The following CCDC150 variants were observed in gnomAD, a reference collection of about 807,000 sequenced individuals.
CCDC150 encodes coiled-coil domain-containing protein 150.
In CCDC150, 151 loss-of-function variants were observed where a neutral mutation model predicts 156.5. The observed-to-expected ratio is 0.97, with a 90% confidence interval of 0.85 to 1.10. The LOEUF (loss-of-function observed/expected upper bound fraction) is 1.10. CCDC150 is among the 50% of genes least tolerant of loss of function. The probability of loss-of-function intolerance (pLI) is 0.00; values close to 1 mark genes in which losing one functional copy is unlikely to be tolerated. For synonymous variants in CCDC150, 452 were observed against 429.4 expected (o/e 1.05, Z -0.65); for missense variants, 1,312 against 1,268.1 (o/e 1.03, Z -0.53).
intron 13 of CCDC150, among the ~76,000 whole-genome samples, chr2:196,683,247 A>G (rs1694945029): frequency 6.6e-6 from 1 of 151,980 alleles, no homozygotes. Context: ...ATTTTGTTAA[A>G]TGCTTTTGCT....
intron 13 of CCDC150, among the ~76,000 whole-genome samples, chr2:196,680,660 G>T (rs898783622): frequency 6.6e-6 from 1 of 151,978 alleles, no homozygotes; most frequent in Non-Finnish European, 1.5e-5. Flanking sequence ...CAACTTTTTG[G>T]GTATTAATGA....
intron 17 of CCDC150, among the ~76,000 whole-genome samples, chr2:196,715,177 G>A (rs994186336): frequency 3.3e-5 from 5 of 152,018 alleles, no homozygotes; most frequent in Admixed American, 1.3e-4. Context: ...ATACTGGCTT[G>A]TACACATGAC....
intron 17 of CCDC150, among the ~76,000 whole-genome samples, chr2:196,714,659 G>A: frequency 6.6e-6 from 1 of 152,084 alleles, no homozygotes; most frequent in East Asian, 1.9e-4. Context: ...CCAGACCTTG[G>A]TGTTTTTCCT....
intron 13 of CCDC150, among the ~76,000 whole-genome samples, chr2:196,680,777 A>G (rs1023461872): frequency 5.9e-5 from 9 of 152,184 alleles, no homozygotes; most frequent in Non-Finnish European, 1.0e-4. Flanking sequence ...CTCCATGTTT[A>G]TCATTTTGAG....
At chr2:196,715,536 T>C (rs1019814546) in intron 17 of CCDC150, among the ~76,000 whole-genome samples, 2 of 152,190 alleles carry the variant, frequency 1.3e-5, no homozygotes, top group Non-Finnish European at 2.9e-5. Flanking sequence ...TTTTGTACTT[T>C]AAAAATAATG....
At chr2:196,644,705 A>G (rs1326638774) in intron 1 of CCDC150, among the ~76,000 whole-genome samples, 1 of 152,206 alleles carries the variant, frequency 6.6e-6, no homozygotes, top group Non-Finnish European at 1.5e-5. Context: ...CTTTCACCCC[A>G]TGTCCTTAAG....
In CCDC150 at chr2:196,726,000, G is replaced by A; in HGVS notation, c.2457G>A (p.Val819=). The A allele has an allele frequency of 6.2e-7, 1 of 1,602,870 alleles. No homozygotes were observed. Among genetic ancestry groups the A allele is most frequent in the Non-Finnish European group, 8.5e-7 (1 of 1,174,360 alleles). ...ACCGGATGACTGAAGAGTCCAAAGT[G>A]GAAGCAGAATTGCATGCTGAACGCA... ...FKDRMTEESK[V]EAELHAERIE... The change falls in exon 22 of 28, where the codon GTG becomes GTA. Residue 819 remains valine (V), a synonymous_variant. Coordinates refer to ENST00000389175, the MANE Select transcript of CCDC150 (RefSeq NM_001080539.2).
rs571196652 is a variant in CCDC150, at chr2:196,677,181, T to C, written c.1441-112T>C. 1.6e-5 allele frequency: 12 copies of C among 755,924 alleles called. 1 individual carries two copies. The South Asian group carries it at 1.8e-4, about 11-fold the overall frequency. 46.8% of individuals were successfully genotyped at this position (755,924 alleles called of 1,614,324 possible). ...TGGCCCCTTTTCTGAGAGGATGTGC[T>C]ATCTCTGCAGTGTAGGTATTAATTG... On this transcript the variant is annotated intron_variant, in intron 12 of 27. Coordinates refer to ENST00000389175, the MANE Select transcript of CCDC150 (RefSeq NM_001080539.2).
At chr2:196,720,847 T>C (rs891327266) in intron 20 of CCDC150, among the ~76,000 whole-genome samples, 179 bp downstream of exon 20, 5 of 152,220 alleles carry the variant, frequency 3.3e-5, no homozygotes, top group African/African-American at 4.8e-5. Context: ...GAGTCACTTA[T>C]TGGCAAACCA....
chr2:196,720,581 C>G lies in CCDC150; in HGVS notation c.2172C>G (p.Leu724=), dbSNP rs752523007. ...EIAGLKKERD[L]NQQRVQKLEA... ...TTGTGCTTTTTATTTTTAGGGATCT[C>G]AATCAACAGAGGGTGCAGAAGCTGG... The change falls in exon 20 of 28, where the codon CTC becomes CTG. Residue 724 remains leucine, a synonymous_variant. Coordinates refer to ENST00000389175, the MANE Select transcript of CCDC150 (RefSeq NM_001080539.2). The G allele has an allele frequency of 1.2e-6, 2 of 1,613,334 alleles. No homozygotes were observed. The highest frequency in any genetic ancestry group is 2.7e-5 in the African/African-American group (2 of 74,904).
At chr2:196,680,980 G>A (rs1016538053) in intron 13 of CCDC150, among the ~76,000 whole-genome samples, 1 of 152,072 alleles carries the variant, frequency 6.6e-6, no homozygotes, top group Non-Finnish European at 1.5e-5. Context: ...TATAAAATTA[G>A]CCATTTTAAA....
At chr2:196,670,293 A>G (rs1434958003) in intron 8 of CCDC150, among the ~76,000 whole-genome samples, 2 of 152,208 alleles carry the variant, frequency 1.3e-5, no homozygotes, top group African/African-American at 4.8e-5. Context: ...AATTAAAAAC[A>G]TAATGATTTT....
At chr2:196,723,717 A>G (rs982547848) in intron 21 of CCDC150, among the ~76,000 whole-genome samples, 3 of 152,210 alleles carry the variant, frequency 2.0e-5, no homozygotes, top group African/African-American at 7.2e-5. Flanking sequence ...CAAGTGAGTC[A>G]GATGCTGCAG....
At chr2:196,708,412 G>T (rs1168790795) in intron 15 of CCDC150, among the ~76,000 whole-genome samples, 1 of 152,162 alleles carries the variant, frequency 6.6e-6, no homozygotes, top group East Asian at 1.9e-4. Flanking sequence ...CTAAACGTGA[G>T]ATGGGTCTCC....
intron 2 of CCDC150, among the ~76,000 whole-genome samples, chr2:196,649,130 G>A (rs936428640): frequency 3.9e-5 from 6 of 152,038 alleles, no homozygotes; most frequent in South Asian, 2.1e-4. Context: ...GGTCTTTTGT[G>A]GTTCCATATG....
intron 1 of CCDC150, among the ~76,000 whole-genome samples, chr2:196,645,779 A>G (rs942082959): frequency 8.5e-5 from 13 of 152,314 alleles, no homozygotes; most frequent in Admixed American, 4.6e-4. Flanking sequence ...TGCTGCTTCA[A>G]TGCAGGATAC....
chr2:196,664,452 C>A (rs954258322), intron 5 of CCDC150, among the ~76,000 whole-genome samples: 1 of 152,186 alleles, frequency 6.6e-6, no homozygotes, highest in Non-Finnish European at 1.5e-5. Flanking sequence ...ACAAAAGATA[C>A]AGTTGAGCAG....
chr2:196,651,532 G>A (rs1160116294), intron 2 of CCDC150, among the ~76,000 whole-genome samples: 1 of 152,126 alleles, frequency 6.6e-6, no homozygotes, highest in Non-Finnish European at 1.5e-5. Context: ...TTGAAAGATA[G>A]CATTGCTGAG....
chr2:196,664,495 T>A (rs1693729097), intron 5 of CCDC150, among the ~76,000 whole-genome samples: 1 of 152,240 alleles, frequency 6.6e-6, no homozygotes, highest in African/African-American at 2.4e-5. Flanking sequence ...GCAAGGCATG[T>A]GGGAAGGGAC....
Sources: allele counts gnomAD v4.1 joint callset (sites outside exome capture counted in the v4.1 genomes callset), GRCh38; gene constraint gnomAD v4.1.1; transcripts MANE v1.5; gene names NCBI Gene and HGNC (gene_info 2026-07-23, HGNC 2026-07-21).